Variants in NAALADL2 observed in about 807,000 individuals in gnomAD.
NAALADL2 encodes N-acetylated alpha-linked acidic dipeptidase like 2.
A neutral mutation model predicts 87.2 loss-of-function variants in NAALADL2; 76 were observed. The ratio of observed to expected loss-of-function variants is 0.87; its 90% CI spans 0.72 to 1.05. The LOEUF (loss-of-function observed/expected upper bound fraction) is 1.05, where lower values mean the gene tolerates loss of function less well. NAALADL2 is among the 50% of genes least tolerant of loss of function. The pLI is 0.00. For missense variants in NAALADL2, 1,089 were observed against 945.8 expected (o/e 1.15, Z -1.99); for synonymous variants, 354 against 331.0 (o/e 1.07, Z -0.75).
intron 2 of NAALADL2, among the ~76,000 whole-genome samples, chr3:174,732,533 C>T (rs1199285218): frequency 2.0e-5 from 3 of 151,976 alleles, no homozygotes; most frequent in Non-Finnish European, 4.4e-5. Context: ...AGTGATAGAT[C>T]CTGAGGACAC....
At chr3:174,761,612 AG>A (rs202194809) in intron 3 of NAALADL2, among the ~76,000 whole-genome samples, 1 of 152,134 alleles carries the variant, frequency 6.6e-6, no homozygotes, top group African/African-American at 2.4e-5. Context: ...TTACTTTTTA[AG>A]AAAAATTTTT....
rs568352615 is a variant in NAALADL2, at chr3:174,655,815, TTA to T, written c.-114-81824_-114-81823del. 2.9e-3 allele frequency among the ~76,000 whole-genome samples: 441 copies of T among 152,298 alleles called. 4 individuals are homozygous for T. Among genetic ancestry groups the T allele is most frequent in the Middle Eastern group, 0.02 (6 of 294 alleles). On this transcript the variant is annotated intron_variant, in intron 2 of 3. Coordinates refer to the NAALADL2 transcript ENST00000434257. The stretch of plus-strand genomic sequence containing the variant: ...AAAAGAGAATTTAAATTACCTTACT[TTA>T]TCAGTTTTAACATATAAAAGTTTTA...
At chr3:174,682,143 G>A (rs1265570188) in intron 2 of NAALADL2, among the ~76,000 whole-genome samples, 1 of 152,188 alleles carries the variant, frequency 6.6e-6, no homozygotes, top group African/African-American at 2.4e-5. Context: ...GAGTGAAGAG[G>A]ACTTTGTCTT....
intron 4 of NAALADL2, among the ~76,000 whole-genome samples, chr3:175,273,518 C>T (rs1190300253): frequency 6.6e-6 from 1 of 151,802 alleles, no homozygotes; most frequent in Non-Finnish European, 1.5e-5. Context: ...TAAAGATTAC[C>T]AACAGAGTTT....
chr3:175,628,617 G>A (rs9872524), intron 11 of NAALADL2, among the ~76,000 whole-genome samples: 99,715 of 138,570 alleles, frequency 0.72, 36,845 homozygotes, highest in East Asian at 0.87. Flanking sequence ...CTCTCTCTAT[G>A]TATATATATA....
intron 2 of NAALADL2, among the ~76,000 whole-genome samples, chr3:174,735,114 A>G (rs571192002): frequency 2.8e-4 from 42 of 152,346 alleles, no homozygotes; most frequent in South Asian, 1.0e-3. Flanking sequence ...TATTACAATA[A>G]AGAGAGTGAA....
chr3:175,136,950 T>C (rs754667790), intron 2 of NAALADL2, among the ~76,000 whole-genome samples: 14 of 152,184 alleles, frequency 9.2e-5, no homozygotes, highest in East Asian at 3.9e-4. Flanking sequence ...ACATACATCA[T>C]TGGTGGGCAA....
chr3:175,495,435 G>A (rs1728676636), intron 9 of NAALADL2, among the ~76,000 whole-genome samples: 1 of 152,076 alleles, frequency 6.6e-6, no homozygotes, highest in South Asian at 2.1e-4. Flanking sequence ...ACTAAGAGTA[G>A]CAGAGGTGTT....
intron 2 of NAALADL2, among the ~76,000 whole-genome samples, chr3:174,617,271 T>A (rs990053960): frequency 2.0e-5 from 3 of 151,692 alleles, no homozygotes; most frequent in Non-Finnish European, 4.4e-5. Flanking sequence ...ACTTAACATT[T>A]AAAAAAATAA....
chr3:175,653,623 A>G (rs1362209705), intron 11 of NAALADL2, among the ~76,000 whole-genome samples: 2 of 152,076 alleles, frequency 1.3e-5, no homozygotes, highest in African/African-American at 4.8e-5. Context: ...GATTTCCTTG[A>G]TTGGCTCTGT....
intron 2 of NAALADL2, among the ~76,000 whole-genome samples, chr3:175,186,891 T>A (rs1470040348): frequency 3.3e-5 from 5 of 151,842 alleles, no homozygotes; most frequent in African/African-American, 1.2e-4. Flanking sequence ...TTTTATTTCA[T>A]GCAATAGGGA....
chr3:174,604,394 T>C (rs1718767032), intron 2 of NAALADL2, among the ~76,000 whole-genome samples: 1 of 152,194 alleles, frequency 6.6e-6, no homozygotes, highest in South Asian at 2.1e-4. Flanking sequence ...CTGCTGTTTT[T>C]TCATTTCCAT....
At chr3:174,884,562 G>A (rs1170250727) in intron 1 of NAALADL2, among the ~76,000 whole-genome samples, 2 of 152,084 alleles carry the variant, frequency 1.3e-5, no homozygotes, top group South Asian at 2.1e-4. Flanking sequence ...ATGAGTCCAC[G>A]GATGGTAGTC....
At chr3:174,561,229 C>T (rs1461955530) in intron 2 of NAALADL2, among the ~76,000 whole-genome samples, 7 of 139,164 alleles carry the variant, frequency 5.0e-5, no homozygotes, top group Non-Finnish European at 7.6e-5. Flanking sequence ...TGGAAAGAGT[C>T]TCGCTCTGTC....
intron 4 of NAALADL2, among the ~76,000 whole-genome samples, chr3:175,289,217 A>C (rs1224008170): frequency 1.3e-5 from 2 of 152,104 alleles, no homozygotes; most frequent in Admixed American, 1.3e-4. Flanking sequence ...GCTCTGTGAA[A>C]TTTTAGATTT....
chr3:174,711,152 A>G (rs1435528265), intron 2 of NAALADL2, among the ~76,000 whole-genome samples: 2 of 152,160 alleles, frequency 1.3e-5, no homozygotes, highest in East Asian at 1.9e-4. Flanking sequence ...CATATACTAC[A>G]CTTCCAGAAG....
At chr3:175,109,571 G>A (rs1371326200) in intron 2 of NAALADL2, among the ~76,000 whole-genome samples, 1 of 151,758 alleles carries the variant, frequency 6.6e-6, no homozygotes, top group Non-Finnish European at 1.5e-5. Context: ...GGGAGGGAAA[G>A]AAAGAGGGAA....
intron 10 of NAALADL2, among the ~76,000 whole-genome samples, chr3:175,591,833 A>AAAATGCTT (rs1241671730): frequency 3.9e-4 from 55 of 141,992 alleles, no homozygotes; most frequent in Admixed American, 1.5e-3. Flanking sequence ...TATATGTATG[A>AAAATGCTT]AAATGCTTTA....
At chr3:174,518,692 C>A (rs1380565910) in intron 1 of NAALADL2, among the ~76,000 whole-genome samples, 1 of 150,500 alleles carries the variant, frequency 6.6e-6, no homozygotes, top group Admixed American at 6.6e-5. Flanking sequence ...AGATTGAATT[C>A]GTTCAATAGT....
Sources: allele counts gnomAD v4.1 joint callset (sites outside exome capture counted in the v4.1 genomes callset), GRCh38; gene constraint gnomAD v4.1.1; transcripts MANE v1.5; gene names NCBI Gene and HGNC (gene_info 2026-07-23, HGNC 2026-07-21).